The following ZMYM2 variants were observed in gnomAD, a reference collection of about 807,000 sequenced individuals.
ZMYM2 encodes zinc finger MYM-type containing 2, also known as zinc finger MYM-type protein 2.
A neutral mutation model predicts 162.8 loss-of-function variants in ZMYM2; 56 were observed. The observed-to-expected ratio is 0.34, with a 90% CI of 0.28 to 0.43. ZMYM2 has a LOEUF of 0.43. ZMYM2 is among the 20% of genes least tolerant of loss of function. The pLI is 1.00. For missense variants in ZMYM2, 1,275 were observed against 1,621.8 expected (o/e 0.79, Z 3.67); for synonymous variants, 510 against 541.6 (o/e 0.94, Z 0.81).
the ZMYM2 span, among the ~76,000 whole-genome samples, chr13:19,932,857 TTTTG>T: frequency 9.6e-4 from 146 of 152,216 alleles, 1 homozygote; most frequent in African/African-American, 2.6e-3. Context: ...GTCATGGTGT[TTTTG>T]TTTGTTTGTT....
rs570145501 is a variant in ZMYM2 at position 20,008,790 on chromosome 13, T to C, written c.1512+2204T>C. On this transcript the variant is annotated intron_variant, in intron 6 of 24. Transcript: ENST00000610343. ...CAGTGTTACATTTGCTTTATAAAAA[T>C]GTCCAGAGGAAAATTCATTTCCTCA... 2.6e-5 allele frequency among the ~76,000 whole-genome samples: 4 copies of C among 152,142 alleles called. No homozygotes were observed. In the South Asian group the frequency reaches 8.3e-4, roughly 32 times the overall value.
chr13:19,985,721 A>T (rs1949079632), intron 2 of ZMYM2, among the ~76,000 whole-genome samples: 1 of 151,386 alleles, frequency 6.6e-6, no homozygotes, highest in African/African-American at 2.4e-5. Context: ...AAAAAAAAAG[A>T]AAAATTTGGC....
intron 2 of ZMYM2, among the ~76,000 whole-genome samples, chr13:19,982,538 T>G (rs1957438990): frequency 6.6e-6 from 1 of 152,146 alleles, no homozygotes; most frequent in Non-Finnish European, 1.5e-5. Context: ...TCTACCTGCC[T>G]CGGCCTCCCA....
intron 21 of ZMYM2, among the ~76,000 whole-genome samples, chr13:20,076,831 T>C (rs1957538945): frequency 6.6e-6 from 1 of 150,398 alleles, no homozygotes; most frequent in South Asian, 2.1e-4. Context: ...TAAGATTTAT[T>C]TTTTATTTTA....
chr13:20,063,032 T>G, intron 18 of ZMYM2, 61 bp downstream of exon 18: 1 of 1,503,406 alleles, frequency 6.7e-7, no homozygotes, highest in South Asian at 1.3e-5. Flanking sequence ...TTATGATCAT[T>G]TACCATTTGA....
At chr13:19,912,355 C>T in the ZMYM2 span, among the ~76,000 whole-genome samples, 80 of 122,912 alleles carry the variant, frequency 6.5e-4, no homozygotes, top group Non-Finnish European at 1.0e-3. Context: ...TTTTTTGAGA[C>T]AGGGTCTCAC....
At chr13:19,904,702 G>A in the ZMYM2 span, among the ~76,000 whole-genome samples, 9 of 152,038 alleles carry the variant, frequency 5.9e-5, no homozygotes, top group Non-Finnish European at 1.0e-4. Flanking sequence ...CAAACATCTG[G>A]ATATCTCTCT....
At chr13:19,864,432 G>A in the ZMYM2 span, 1 of 154,992 alleles carries the variant, frequency 6.5e-6, no homozygotes, top group African/African-American at 2.4e-5. Context: ...TTCGGACAAG[G>A]GAACAGCCCC....
chr13:19,956,672 A>C (rs919110383), upstream of ZMYM2, among the ~76,000 whole-genome samples: 1 of 152,234 alleles, frequency 6.6e-6, no homozygotes. Flanking sequence ...CAGCAATAAC[A>C]CTAGGGAATT....
chr13:19,981,270 C>T (rs201957643), intron 2 of ZMYM2, among the ~76,000 whole-genome samples: 7 of 147,964 alleles, frequency 4.7e-5, no homozygotes, highest in Admixed American at 4.0e-4. Flanking sequence ...GACCCTGCCT[C>T]TAAAAAACAG....
chr13:19,884,847 G>C, the ZMYM2 span, among the ~76,000 whole-genome samples: 1 of 152,058 alleles, frequency 6.6e-6, no homozygotes, highest in Non-Finnish European at 1.5e-5. Flanking sequence ...GAAAACCTGA[G>C]CACATCACAA....
At chr13:19,883,390 T>A in the ZMYM2 span, among the ~76,000 whole-genome samples, 2 of 152,200 alleles carry the variant, frequency 1.3e-5, no homozygotes, top group Admixed American at 6.5e-5. Context: ...AAATGTCTAA[T>A]TTTATGTGAA....
chr13:20,013,805 T>C (rs1195803408), intron 6 of ZMYM2, among the ~76,000 whole-genome samples: 1 of 152,194 alleles, frequency 6.6e-6, no homozygotes, highest in East Asian at 1.9e-4. Flanking sequence ...TATAATCCTT[T>C]TAATATATTG....
chr13:19,922,560 G>C, the ZMYM2 span, among the ~76,000 whole-genome samples: 1 of 152,008 alleles, frequency 6.6e-6, no homozygotes, highest in Non-Finnish European at 1.5e-5. Context: ...AAAGCCAGTG[G>C]TTGGCCGGAT....
the ZMYM2 span, among the ~76,000 whole-genome samples, chr13:19,922,688 C>CA: frequency 1.1e-4 from 17 of 151,892 alleles, no homozygotes; most frequent in East Asian, 3.3e-3. Context: ...ACTAAAAATA[C>CA]AAAAAATTAG....
the ZMYM2 span, among the ~76,000 whole-genome samples, chr13:19,935,280 C>T: frequency 1.3e-5 from 2 of 151,894 alleles, no homozygotes; most frequent in African/African-American, 4.8e-5. Context: ...ACTACTGGTG[C>T]ATGCCACCAC....
the ZMYM2 span, among the ~76,000 whole-genome samples, chr13:19,920,952 G>GTA: frequency 6.7e-6 from 1 of 149,990 alleles, no homozygotes; most frequent in African/African-American, 2.5e-5. Context: ...TTTTTTTTTA[G>GTA]GAGATATGGA....
intron 21 of ZMYM2, among the ~76,000 whole-genome samples, chr13:20,074,675 A>T (rs545168258): frequency 1.3e-5 from 2 of 151,908 alleles, no homozygotes; most frequent in Admixed American, 1.3e-4. Context: ...AGTAGCTGGC[A>T]CTACAGGCGC....
chr13:19,914,017 A>T, the ZMYM2 span, among the ~76,000 whole-genome samples: 10 of 152,198 alleles, frequency 6.6e-5, no homozygotes, highest in Non-Finnish European at 1.0e-4. Context: ...AGTAGGCAAA[A>T]CTTGGGACAA....
Sources: allele counts gnomAD v4.1 joint callset (sites outside exome capture counted in the v4.1 genomes callset), GRCh38; gene constraint gnomAD v4.1.1; transcripts MANE v1.5; gene names NCBI Gene and HGNC (gene_info 2026-07-23, HGNC 2026-07-21).